The following CTSK variants were observed in gnomAD, a reference collection of about 807,000 sequenced individuals.
CTSK encodes the protein cathepsin O.
CTSK carries 26 observed loss-of-function variants against 40.5 expected under a neutral mutation model. The observed-to-expected ratio is 0.64, with a 90% CI of 0.47 to 0.89. CTSK has a LOEUF of 0.89. CTSK is among the 40% of genes least tolerant of loss of function. CTSK has a pLI of 0.00. For synonymous variants in CTSK, 132 were observed against 143.2 expected (o/e 0.92, Z 0.56); for missense variants, 292 against 400.1 (o/e 0.73, Z 2.30).
chr1:150,807,334 T>A (rs1167881977), intron 1 of CTSK: 2 of 471,386 alleles, frequency 4.2e-6, no homozygotes. Context: ...TCTGGTACTT[T>A]CCCAGATCTT....
At position 150,806,946 on chromosome 1, in the gene CTSK, G is replaced by C. The variant is rs587650413; in HGVS notation, c.-1-140C>G. On this transcript the variant is annotated intron_variant, in intron 1 of 7. Transcript: ENST00000271651. ...TCAGGAGGGGCCTGTGTTTAGATAG[G>C]ATGCTGGTACATCTGGTTCCAAGGA... 1.6e-3 allele frequency: 1,562 copies of C among 1,003,530 alleles called. 2 individuals are homozygous for C. Among genetic ancestry groups the C allele is most frequent in the Non-Finnish European group, 2.2e-3 (1,415 of 654,732 alleles). 62.2% of individuals were successfully genotyped at this position (1,003,530 alleles called of 1,614,324 possible).
intron 5 of CTSK, 132 bp downstream of exon 5, chr1:150,803,888 TG>T: frequency 3.5e-6 from 3 of 848,084 alleles, no homozygotes; most frequent in Non-Finnish European, 5.9e-6. Context: ...TGGCCTTCTG[TG>T]GGAAATTATT....
chr1:150,806,692 G>C lies in CTSK; in HGVS notation c.114C>G (p.Asn38Lys), dbSNP rs1654098496. ...CCTCCAGGACCCCAGGCACCTTGTTGTTATATTGCTTCCTGTGGGTCTTCT... is the reference window on the plus strand; with the variant it reads ...CCTCCAGGACCCCAGGCACCTTGTTCTTATATTGCTTCCTGTGGGTCTTCT... ...LWKKTHRKQY[N>K]NKVDEISRRL... Residue 38 changes from asparagine to lysine, a missense_variant, in exon 2 of 8, where the codon AAC becomes AAG. Asn to Lys is a moderately conservative substitution (Grantham distance 94). Coordinates refer to ENST00000271651, the MANE Select transcript of CTSK (RefSeq NM_000396.4). The C allele has an allele frequency of 2.5e-6, 4 of 1,614,046 alleles. No individual in the cohort carries two copies. Among genetic ancestry groups the C allele is most frequent in the Non-Finnish European group, 3.4e-6 (4 of 1,180,006 alleles).
intron 5 of CTSK, among the ~76,000 whole-genome samples, chr1:150,803,445 T>C (rs141899282): frequency 6.6e-6 from 1 of 152,294 alleles, no homozygotes; most frequent in East Asian, 1.9e-4. Flanking sequence ...GGCCCTACAT[T>C]ATATTGTCTA....
intron 6 of CTSK, 75 bp from the exon 7 acceptor site, chr1:150,799,348 C>T (rs774727768): frequency 1.7e-5 from 22 of 1,283,252 alleles, no homozygotes; most frequent in Non-Finnish European, 2.4e-5. Context: ...GTCTAGGAGA[C>T]TGTTTGAAGA....
intron 5 of CTSK, 40 bp downstream of exon 5, chr1:150,803,981 G>A (rs200848624): frequency 1.5e-5 from 22 of 1,506,954 alleles, no homozygotes; most frequent in Non-Finnish European, 1.9e-5. Context: ...TGGGGAAGGA[G>A]GAGCCAACAG....
In CTSK at chr1:150,799,614, T is replaced by A; in HGVS notation, c.714A>T (p.Ala238=). The change falls in exon 6 of 8, where the codon GCA becomes GCT. Residue 238 remains alanine (A), a synonymous_variant. Transcript: ENST00000271651. ...PEGNEKALKR[A]VARVGPVSVA... is the part of the protein sequence containing the mutation. Reference sequence around the variant, plus strand: ...CAGAGACAGGTCCCACTCGGGCCACTGCCCTCTTCAGGGCTTTCTCATTCC... The same window carrying A: ...CAGAGACAGGTCCCACTCGGGCCACAGCCCTCTTCAGGGCTTTCTCATTCC... The A allele has an allele frequency of 6.2e-7, 1 of 1,614,216 alleles. No individual in the cohort carries two copies. Among genetic ancestry groups the A allele is most frequent in the South Asian group, 1.1e-5 (1 of 91,082 alleles).
chr1:150,799,347 A>T (rs1370484425), intron 6 of CTSK, 74 bp from the exon 7 acceptor site: 1 of 1,297,954 alleles, frequency 7.7e-7, no homozygotes, highest in Non-Finnish European at 1.1e-6. Context: ...AGTCTAGGAG[A>T]CTGTTTGAAG....
At chr1:150,807,543 C>G (rs777590142) in intron 1 of CTSK, 1 of 348,212 alleles carries the variant, frequency 2.9e-6, no homozygotes, top group East Asian at 7.7e-5. Flanking sequence ...CTGTGGCTGC[C>G]GCAAAGGACA....
At chr1:150,804,781 A>T (rs1171853875) in intron 4 of CTSK, among the ~76,000 whole-genome samples, 2 of 152,104 alleles carry the variant, frequency 1.3e-5, no homozygotes, top group African/African-American at 4.8e-5. Flanking sequence ...CTAACACTGC[A>T]TCTGGTAGGT....
intron 1 of CTSK, among the ~76,000 whole-genome samples, 199 bp from the exon 2 acceptor site, chr1:150,807,005 T>TCTCTC (rs146635750): frequency 7.2e-6 from 1 of 138,966 alleles, no homozygotes. Flanking sequence ...ATTTCTCTCT[T>TCTCTC]TCTCTCTCTC....
chr1:150,798,497 G>A (rs1653916756), intron 7 of CTSK, among the ~76,000 whole-genome samples: 1 of 152,168 alleles, frequency 6.6e-6, no homozygotes, highest in Admixed American at 6.5e-5. Context: ...TGAGCTCACT[G>A]AAGGTGTCAT....
chr1:150,801,909 TAC>T (rs1653997740), intron 5 of CTSK, among the ~76,000 whole-genome samples: 1 of 152,072 alleles, frequency 6.6e-6, no homozygotes, highest in African/African-American at 2.4e-5. Context: ...AACTTTTAAA[TAC>T]ATAGTATTGT....
chr1:150,799,582 A>G lies in CTSK; in HGVS notation c.746T>C (p.Ile249Thr), dbSNP rs199919553. The G allele has an allele frequency of 2.5e-5, 41 of 1,614,072 alleles. No homozygotes were observed. The highest frequency in any genetic ancestry group is 3.1e-5 in the Non-Finnish European group (36 of 1,180,012). Reference protein sequence around the residue: ...VARVGPVSVAIDASLTSFQFY... With the variant: ...VARVGPVSVATDASLTSFQFY... ...CTGGAAGGAGGTCAGGCTTGCATCAATGGCCACAGAGACAGGTCCCACTCG... is the reference window on the plus strand; with the variant it reads ...CTGGAAGGAGGTCAGGCTTGCATCAGTGGCCACAGAGACAGGTCCCACTCG... Residue 249 changes from isoleucine (I) to threonine (T), a missense_variant, in exon 6 of 8, where the codon ATT becomes ACT. Ile to Thr is a moderately conservative substitution (Grantham distance 89, BLOSUM62 -1). Transcript: ENST00000271651.
At position 150,807,532 on chromosome 1, in the gene CTSK, A is replaced by G. The variant is rs1273978194; in HGVS notation, c.-2+682T>C. On this transcript the variant is annotated intron_variant, in intron 1 of 7. Transcript: ENST00000271651. ...ATTTTTCCCCTAACAACAAAAACCC[A>G]CTGTGGCTGCCGCAAAGGACAAGAA... is the stretch of plus-strand genomic sequence containing the variant. 8.4e-6 allele frequency: 3 copies of G among 357,022 alleles called. No individual in the cohort carries two copies. In the Admixed American group the frequency reaches 1.2e-4, roughly 14 times the overall value. The allele number at this position is 357,022 out of a possible 1,614,324, so 22.1% of individuals were successfully genotyped here.
chr1:150,803,904 C>T (rs1341514902), intron 5 of CTSK, 117 bp downstream of exon 5: 1 of 954,266 alleles, frequency 1.0e-6, no homozygotes, highest in African/African-American at 1.6e-5. Context: ...ATTATTCCAT[C>T]AAGAAAGCAG....
rs1557823737 is a variant in CTSK at position 150,796,682 on chromosome 1, T to C, written c.*117A>G. 1.2e-6 allele frequency: 1 copy of C among 812,924 alleles called. No individual in the cohort carries two copies. Among genetic ancestry groups the C allele is most frequent in the Admixed American group, 1.7e-5 (1 of 59,002 alleles). The allele number at this position is 812,924 out of a possible 1,614,324, so 50.4% of individuals were successfully genotyped here. The stretch of plus-strand genomic sequence containing the variant: ...ACAAATGGGGAAACTGAACAGACAA[T>C]CTCAGTATCACCACATCTGCTTCAA... On this transcript the variant is annotated 3_prime_UTR_variant, in exon 8 of 8. Coordinates refer to ENST00000271651, the MANE Select transcript of CTSK (RefSeq NM_000396.4).
chr1:150,805,666 A>C (rs1253828283), intron 4 of CTSK, among the ~76,000 whole-genome samples, 195 bp downstream of exon 4: 1 of 147,190 alleles, frequency 6.8e-6, no homozygotes, highest in East Asian at 1.9e-4. Flanking sequence ...AAAAAAAAGG[A>C]AAAGAAAAAG....
chr1:150,806,779 T>TAGCA lies in CTSK; in HGVS notation c.23_26dup (p.Pro10AlafsTer11). 6.2e-7 allele frequency: 1 copy of TAGCA among 1,613,944 alleles called. No individual in the cohort carries two copies. The highest frequency in any genetic ancestry group is 8.5e-7 in the Non-Finnish European group (1 of 1,179,984). On this transcript the variant is annotated frameshift_variant, in exon 2 of 8. Transcript: ENST00000271651. LOFTEE classifies it high-confidence loss of function. Reference sequence around the variant, plus strand: ...GGTACAGAGCAAAGCTCACCACAGGTAGCAGCAGAACCTTGAGCCCCCACA... The same window carrying TAGCA: ...GGTACAGAGCAAAGCTCACCACAGGTAGCAAGCAGCAGAACCTTGAGCCCCCACA...
Sources: gnomAD v4.1 joint callset for allele counts (sites outside exome capture counted in the v4.1 genomes callset) on GRCh38, gnomAD v4.1.1 for gene constraint, MANE v1.5 for transcripts, NCBI Gene and HGNC (gene_info 2026-07-23, HGNC 2026-07-21) for gene names.